CCDC149: variants seen among roughly 807,000 people sequenced by gnomAD.
CCDC149 encodes the protein coiled-coil domain containing 149.
Under a neutral mutation model 59.9 loss-of-function variants are expected in CCDC149, and 45 were observed. The ratio of observed to expected loss-of-function variants is 0.75; its 90% confidence interval spans 0.59 to 0.96. CCDC149 has a LOEUF of 0.96. Among genes scored for constraint, CCDC149 ranks in the 40% least tolerant of loss-of-function variants. The pLI is 0.00. For synonymous variants in CCDC149, 245 were observed against 260.6 expected (o/e 0.94, Z 0.58); for missense variants, 584 against 664.7 (o/e 0.88, Z 1.33).
At chr4:24,893,613 CTTTTTTTTT>C (rs3066508) in intron 1 of CCDC149, among the ~76,000 whole-genome samples, 1 of 65,876 alleles carries the variant, frequency 1.5e-5, no homozygotes, top group African/African-American at 5.7e-5. Flanking sequence ...AAAATACAGA[CTTTTTTTTT>C]TTTTTTTTTT....
chr4:24,926,321 G>T (rs1722433059), intron 1 of CCDC149, among the ~76,000 whole-genome samples: 1 of 152,236 alleles, frequency 6.6e-6, no homozygotes, highest in African/African-American at 2.4e-5. Flanking sequence ...TAATAAATAT[G>T]CTTTCCATTT....
At chr4:24,947,252 T>G (rs927888763) in intron 1 of CCDC149, among the ~76,000 whole-genome samples, 2 of 152,298 alleles carry the variant, frequency 1.3e-5, no homozygotes, top group South Asian at 2.1e-4. Context: ...AGAGGTAATT[T>G]AGTCATGGGG....
Position 24,876,716 on chromosome 4 carries a change from C to G in CCDC149, c.64-19G>C. The G allele has an allele frequency of 6.3e-7, 1 of 1,592,892 alleles. No individual in the cohort carries two copies. The highest frequency in any genetic ancestry group is 8.6e-7 in the Non-Finnish European group (1 of 1,168,786). Reference sequence around the variant, plus strand: ...CCAGGTACTGCAAAGCAAACAAATCCAGGCAATGGGTCAAAAACATCCATG... The same window carrying G: ...CCAGGTACTGCAAAGCAAACAAATCGAGGCAATGGGTCAAAAACATCCATG... On this transcript the variant is annotated intron_variant, in intron 1 of 12. Transcript: ENST00000635206.
At chr4:24,954,542 A>G (rs945073353) in intron 1 of CCDC149, among the ~76,000 whole-genome samples, 2 of 152,220 alleles carry the variant, frequency 1.3e-5, no homozygotes, top group African/African-American at 4.8e-5. Flanking sequence ...ATGCCACCAA[A>G]GTTCACCACT....
chr4:24,836,520 T>A lies in CCDC149; in HGVS notation c.663-12A>T, dbSNP rs758245390. On this transcript the variant is annotated splice_polypyrimidine_tract_variant and intron_variant, in intron 6 of 12. Coordinates refer to ENST00000635206, the MANE Select transcript of CCDC149 (RefSeq NM_001330643.2). ...TCTCTTGAAGGTACCTGAAAAAGAA[T>A]ACATAAAACTAGGAGGTGTTTAAGG... 1.3e-6 allele frequency: 2 copies of A among 1,575,004 alleles called. No individual in the cohort carries two copies. Among genetic ancestry groups the A allele is most frequent in the Non-Finnish European group, 8.7e-7 (1 of 1,145,796 alleles).
At chr4:24,911,871 ACT>A (rs915650880) in intron 1 of CCDC149, among the ~76,000 whole-genome samples, 10 of 152,266 alleles carry the variant, frequency 6.6e-5, no homozygotes, top group African/African-American at 2.4e-4. Flanking sequence ...AAACCGATAC[ACT>A]CTGCATTGTG....
chr4:24,938,093 A>C (rs1722835190), intron 1 of CCDC149, among the ~76,000 whole-genome samples: 1 of 152,166 alleles, frequency 6.6e-6, no homozygotes, highest in Non-Finnish European at 1.5e-5. Context: ...GAGTAGTTTA[A>C]TCAGGGTGAA....
At chr4:24,912,184 G>A (rs865795146) in intron 1 of CCDC149, among the ~76,000 whole-genome samples, 58 of 152,226 alleles carry the variant, frequency 3.8e-4, no homozygotes, top group African/African-American at 1.4e-3. Context: ...AAGAGTCGCA[G>A]GGCAGGGGGA....
At chr4:24,858,424 C>T (rs115078338) in intron 3 of CCDC149, among the ~76,000 whole-genome samples, 166 of 152,232 alleles carry the variant, frequency 1.1e-3, no homozygotes, top group Non-Finnish European at 1.9e-3. Flanking sequence ...TCAGATCAAG[C>T]GAGAGCCAAC....
chr4:24,873,261 T>C (rs1719169621), intron 3 of CCDC149, among the ~76,000 whole-genome samples: 1 of 149,522 alleles, frequency 6.7e-6, no homozygotes, highest in South Asian at 2.1e-4. Context: ...GATATGCACC[T>C]ACCAAGTGGT....
At chr4:24,973,741 C>T (rs1724052173) in intron 1 of CCDC149, among the ~76,000 whole-genome samples, 1 of 152,190 alleles carries the variant, frequency 6.6e-6, no homozygotes, top group Admixed American at 6.5e-5. Flanking sequence ...ATGATTAACC[C>T]GGTCTGAACT....
At chr4:24,877,579 C>A (rs1719542645) in intron 1 of CCDC149, among the ~76,000 whole-genome samples, 1 of 152,170 alleles carries the variant, frequency 6.6e-6, no homozygotes, top group Non-Finnish European at 1.5e-5. Flanking sequence ...CCCACCAAAC[C>A]CAGCAGCTAT....
chr4:24,966,514 G>C (rs894469948), intron 1 of CCDC149, among the ~76,000 whole-genome samples: 2 of 152,082 alleles, frequency 1.3e-5, no homozygotes, highest in Non-Finnish European at 2.9e-5. Context: ...GGGACTGAGG[G>C]GTCTGGGATG....
chr4:24,903,053 T>C (rs571226144), intron 1 of CCDC149, among the ~76,000 whole-genome samples: 71 of 102,648 alleles, frequency 6.9e-4, no homozygotes, highest in African/African-American at 2.3e-3. Flanking sequence ...AAAAAGAGTA[T>C]TTTAAAATAT....
upstream of CCDC149, among the ~76,000 whole-genome samples, chr4:24,913,125 C>T (rs556477572): frequency 4.3e-4 from 65 of 151,026 alleles, no homozygotes; most frequent in African/African-American, 1.4e-3. Context: ...CGGGCCCGCC[C>T]CGCGCCCTCA....
At chr4:24,875,738 TA>T (rs1719375821) in intron 2 of CCDC149, among the ~76,000 whole-genome samples, 1 of 152,138 alleles carries the variant, frequency 6.6e-6, no homozygotes, top group Admixed American at 6.6e-5. Context: ...GACTGAGCAA[TA>T]GAGTCTCCTA....
intron 3 of CCDC149, among the ~76,000 whole-genome samples, chr4:24,858,522 T>C (rs1016095169): frequency 1.3e-4 from 20 of 152,188 alleles, no homozygotes; most frequent in African/African-American, 4.6e-4. Context: ...AGTCACTCTT[T>C]CTAGCTAGGA....
intron 1 of CCDC149, among the ~76,000 whole-genome samples, chr4:24,885,165 G>A (rs1226546274): frequency 1.3e-5 from 2 of 152,156 alleles, no homozygotes; most frequent in African/African-American, 2.4e-5. Flanking sequence ...GAAAGGGCCC[G>A]GATGTGGTGC....
chr4:24,871,169 G>A (rs1051523309), intron 3 of CCDC149, among the ~76,000 whole-genome samples: 2 of 151,790 alleles, frequency 1.3e-5, no homozygotes, highest in African/African-American at 4.8e-5. Flanking sequence ...GAAAGGAAGG[G>A]AGCGTATAAG....
Sources: allele counts gnomAD v4.1 joint callset (sites outside exome capture counted in the v4.1 genomes callset), GRCh38; gene constraint gnomAD v4.1.1; transcripts MANE v1.5; gene names NCBI Gene and HGNC (gene_info 2026-07-23, HGNC 2026-07-21).